PCGF5: variants seen among roughly 807,000 people sequenced by gnomAD.
The protein encoded by PCGF5 is polycomb group RING finger protein 5.
In PCGF5, 9 loss-of-function variants were observed where a neutral mutation model predicts 44.3. The ratio of observed to expected loss-of-function variants is 0.20; its 90% CI spans 0.12 to 0.35. The LOEUF (loss-of-function observed/expected upper bound fraction) is 0.35, where lower values mean the gene tolerates loss of function less well. Ranked by LOEUF, PCGF5 falls within the 10% of genes least tolerant of loss-of-function variation. The pLI is 1.00. For synonymous variants in PCGF5, 95 were observed against 102.5 expected (o/e 0.93, Z 0.44); for missense variants, 146 against 305.3 (o/e 0.48, Z 3.89).
At position 91,281,522 on chromosome 10, in the gene PCGF5, T is replaced by C. The variant is rs1245077217; in HGVS notation, c.*3206T>C. Reference sequence around the variant, plus strand: ...TTGAGTTATCTGTACCTGTCTCTTATGAATGGTTTCATATCTAAATAGGCT... The same window carrying C: ...TTGAGTTATCTGTACCTGTCTCTTACGAATGGTTTCATATCTAAATAGGCT... On this transcript the variant is annotated 3_prime_UTR_variant, in exon 10 of 10. Coordinates refer to ENST00000336126, the MANE Select transcript of PCGF5 (RefSeq NM_032373.5). 1 of 152,614 alleles carries C rather than the reference T, an allele frequency of 6.6e-6. No homozygotes were observed. The highest frequency in any genetic ancestry group is 1.5e-5 in the Non-Finnish European group (1 of 67,992). 9.5% of individuals were successfully genotyped at this position (152,614 alleles called of 1,614,324 possible).
At position 91,185,694 on chromosome 10, in the gene PCGF5, C is replaced by T. The variant is rs541890208; in HGVS notation, c.-184+22613C>T. Among the ~76,000 whole-genome samples, 218 of 152,306 alleles carry T rather than the reference C, an allele frequency of 1.4e-3. 1 individual carries two copies. Among genetic ancestry groups the T allele is most frequent in the African/African-American group, 4.7e-3 (194 of 41,570 alleles). On this transcript the variant is annotated intron_variant, in intron 1 of 9. Coordinates refer to the PCGF5 transcript ENST00000614189. ...CAAGACTCCACATAGTTCTGTGTGT[C>T]GGACTGAAGGCCCTAGTGGAGTGGT...
chr10:91,229,362 G>A (rs1245679870), intron 2 of PCGF5, among the ~76,000 whole-genome samples: 1 of 152,162 alleles, frequency 6.6e-6, no homozygotes, highest in Non-Finnish European at 1.5e-5. Context: ...AAACAGAAAG[G>A]TCTTTCTTGG....
chr10:91,163,403 C>G (rs1411147455), intron 1 of PCGF5, among the ~76,000 whole-genome samples: 4 of 151,916 alleles, frequency 2.6e-5, no homozygotes, highest in Non-Finnish European at 5.9e-5. Flanking sequence ...CTGGCCGCGG[C>G]CCCGCCGCGG....
chr10:91,281,992 C>G lies in PCGF5; in HGVS notation c.*3676C>G, dbSNP rs1481094760. 1.3e-5 allele frequency: 2 copies of G among 152,052 alleles called. No individual in the cohort carries two copies. Among genetic ancestry groups the G allele is most frequent in the East Asian group, 3.8e-4 (2 of 5,196 alleles). The allele number at this position is 152,052 out of a possible 1,614,324, so 9.4% of individuals were successfully genotyped here. A position where few individuals can be genotyped will look rare whatever the true frequency, so the allele number is the denominator to read the frequency against. On this transcript the variant is annotated 3_prime_UTR_variant, in exon 10 of 10. Transcript: ENST00000336126. The stretch of plus-strand genomic sequence containing the variant: ...TGAGAGGGTTTTTATTTCATGGAGG[C>G]AGTGTTAACTAAAATTAAGCTTAGA...
At chr10:91,254,203 C>CGTGT (rs148669111) in intron 6 of PCGF5, among the ~76,000 whole-genome samples, 2,052 of 147,998 alleles carry the variant, frequency 0.014, 28 homozygotes, top group African/African-American at 0.036. Context: ...CCCTCCACCT[C>CGTGT]GTGTGTGTGT....
chr10:91,269,604 G>C (rs956501685), intron 8 of PCGF5, among the ~76,000 whole-genome samples: 1 of 151,964 alleles, frequency 6.6e-6, no homozygotes, highest in Non-Finnish European at 1.5e-5. Flanking sequence ...ATATCCATTG[G>C]CTAGATTCTT....
chr10:91,217,785 A>C (rs75636225), upstream of PCGF5, among the ~76,000 whole-genome samples: 4,936 of 152,192 alleles, frequency 0.032, 106 homozygotes, highest in Middle Eastern at 0.078. Context: ...AAAAAAAGTT[A>C]ATCTGTGTGT....
intron 2 of PCGF5, among the ~76,000 whole-genome samples, chr10:91,237,481 G>T (rs187870698): frequency 6.6e-5 from 10 of 152,152 alleles, no homozygotes; most frequent in Non-Finnish European, 1.5e-4. Context: ...AGTGGCTCAC[G>T]CCTGTAATTC....
chr10:91,250,482 T>G (rs1845595959), intron 5 of PCGF5, among the ~76,000 whole-genome samples: 2 of 148,324 alleles, frequency 1.3e-5, no homozygotes, highest in South Asian at 4.2e-4. Flanking sequence ...ACATCCTGTA[T>G]TTGTCTGGTT....
At chr10:91,217,765 TAAC>T (rs575728905), upstream of PCGF5, among the ~76,000 whole-genome samples, 17 of 152,344 alleles carry the variant, frequency 1.1e-4, 1 homozygote, top group Middle Eastern at 3.4e-3. Context: ...CTTCCTTGTT[TAAC>T]AACAACAAAA....
intron 1 of PCGF5, among the ~76,000 whole-genome samples, chr10:91,174,028 G>A (rs1013143451): frequency 4.6e-5 from 7 of 151,626 alleles, no homozygotes; most frequent in African/African-American, 1.7e-4. Context: ...AAATACCTTT[G>A]GGCCACTGCA....
At chr10:91,216,430 G>T (rs1326730941), upstream of PCGF5, among the ~76,000 whole-genome samples, 1 of 152,156 alleles carries the variant, frequency 6.6e-6, no homozygotes, top group Admixed American at 6.5e-5. Context: ...GAGTTCAAGT[G>T]GGGGTGGGGA....
chr10:91,203,822 C>T (rs1844296145), intron 1 of PCGF5, among the ~76,000 whole-genome samples: 1 of 152,082 alleles, frequency 6.6e-6, no homozygotes, highest in African/African-American at 2.4e-5. Context: ...TTGTCAACAA[C>T]AAAAACAAGT....
chr10:91,231,210 T>C (rs566827165), intron 2 of PCGF5, among the ~76,000 whole-genome samples: 18 of 152,190 alleles, frequency 1.2e-4, no homozygotes, highest in Non-Finnish European at 1.3e-4. Flanking sequence ...TGTTCTCATT[T>C]ATATTATAAA....
At chr10:91,251,535 T>C in intron 6 of PCGF5, 95 bp downstream of exon 6, 1 of 1,203,388 alleles carries the variant, frequency 8.3e-7, no homozygotes, top group Non-Finnish European at 1.2e-6. Context: ...AAATGTTTGC[T>C]TTCAAAGTTT....
chr10:91,169,882 C>G (rs566083753), intron 1 of PCGF5, among the ~76,000 whole-genome samples: 12 of 152,072 alleles, frequency 7.9e-5, no homozygotes, highest in Non-Finnish European at 1.8e-4. Flanking sequence ...TGCTATAAAC[C>G]TATAGTAATC....
At chr10:91,191,249 G>A (rs1226408627) in intron 1 of PCGF5, among the ~76,000 whole-genome samples, 2 of 152,110 alleles carry the variant, frequency 1.3e-5, no homozygotes. Flanking sequence ...ATGCTTTGGG[G>A]CCATTAAGTA....
chr10:91,182,048 A>G lies in PCGF5; in HGVS notation c.-184+18967A>G, dbSNP rs112554657. Reference sequence around the variant, plus strand: ...GGTGTATGTGTCCAGAAATTTATCAATTTTTTCTAGATTTTCTAGTTTATA... The same window carrying G: ...GGTGTATGTGTCCAGAAATTTATCAGTTTTTTCTAGATTTTCTAGTTTATA... On this transcript the variant is annotated intron_variant, in intron 1 of 9. Transcript: ENST00000614189. Among the ~76,000 whole-genome samples the G allele has an allele frequency of 3.0e-3, 459 of 152,044 alleles. 1 individual carries two copies. The highest frequency in any genetic ancestry group is 0.011 in the African/African-American group (445 of 41,462).
intron 8 of PCGF5, among the ~76,000 whole-genome samples, chr10:91,269,020 T>C (rs1846112880): frequency 6.6e-6 from 1 of 152,218 alleles, no homozygotes; most frequent in South Asian, 2.1e-4. Context: ...AACATGCTTC[T>C]TGATCTTTAA....
Sources: allele counts gnomAD v4.1 joint callset (sites outside exome capture counted in the v4.1 genomes callset), GRCh38; gene constraint gnomAD v4.1.1; transcripts MANE v1.5; gene names NCBI Gene and HGNC (gene_info 2026-07-23, HGNC 2026-07-21).